SLC35D1: variants seen among roughly 807,000 people sequenced by gnomAD.
SLC35D1 encodes solute carrier family 35 member D1.
A neutral mutation model predicts 46.7 loss-of-function variants in SLC35D1; 31 were observed. That is an observed-to-expected ratio of 0.66 (90% CI 0.50 to 0.90). The LOEUF (loss-of-function observed/expected upper bound fraction) is 0.90, where lower values mean the gene tolerates loss of function less well. SLC35D1 is among the 40% of genes least tolerant of loss of function. SLC35D1 has a pLI of 0.00. For missense variants in SLC35D1, 397 were observed against 426.2 expected (o/e 0.93, Z 0.60); for synonymous variants, 195 against 164.6 (o/e 1.18, Z -1.41).
rs567208842 is a variant in SLC35D1, at chr1:67,005,430, C to A, written c.960-982G>T. 5.3e-5 allele frequency among the ~76,000 whole-genome samples: 8 copies of A among 152,308 alleles called. No homozygotes were observed. The East Asian group carries it at 1.5e-3, about 29-fold the overall frequency. On this transcript the variant is annotated intron_variant, in intron 11 of 11. Coordinates refer to ENST00000235345, the MANE Select transcript of SLC35D1 (RefSeq NM_015139.3). ...CCACTAGGAAGAAAGCAGGATCAGGCACTGGCGCTTGTTCTTTACTGCACA... is the reference window on the plus strand; with the variant it reads ...CCACTAGGAAGAAAGCAGGATCAGGAACTGGCGCTTGTTCTTTACTGCACA...
At chr1:67,011,743 CG>C (rs1327697402) in intron 10 of SLC35D1, among the ~76,000 whole-genome samples, 2 of 152,132 alleles carry the variant, frequency 1.3e-5, no homozygotes, top group Non-Finnish European at 2.9e-5. Context: ...CTCAGCCTCC[CG>C]AAGTGTTGGG....
At chr1:67,016,327 G>T (rs533222214) in intron 10 of SLC35D1, among the ~76,000 whole-genome samples, 1 of 152,146 alleles carries the variant, frequency 6.6e-6, no homozygotes, top group South Asian at 2.1e-4. Context: ...TTCTCGAAAT[G>T]TAGTTTACAA....
At chr1:67,033,655 G>A (rs1668064353) in intron 8 of SLC35D1, among the ~76,000 whole-genome samples, 1 of 152,096 alleles carries the variant, frequency 6.6e-6, no homozygotes, top group Non-Finnish European at 1.5e-5. Context: ...TCTCTTGACT[G>A]TTGTTTTCTT....
the SLC35D1 span, among the ~76,000 whole-genome samples, chr1:66,976,298 G>A: frequency 6.6e-6 from 1 of 152,272 alleles, no homozygotes; most frequent in Non-Finnish European, 1.5e-5. Flanking sequence ...CACCGTGCCC[G>A]GCCAACTTCC....
At chr1:66,997,519 A>AATATATATATATATATAT (rs35571347), downstream of SLC35D1, among the ~76,000 whole-genome samples, 4 of 74,068 alleles carry the variant, frequency 5.4e-5, no homozygotes, top group Non-Finnish European at 7.6e-5. Flanking sequence ...AAAAAAAAAA[A>AATATATATATATATATAT]ATATATATAT....
rs552886727 is a variant in SLC35D1 at position 67,038,182 on chromosome 1, T to C, written c.729+4054A>G. 3.9e-5 allele frequency among the ~76,000 whole-genome samples: 6 copies of C among 152,310 alleles called. No individual in the cohort carries two copies. In the South Asian group the frequency reaches 8.3e-4, roughly 21 times the overall value. On this transcript the variant is annotated intron_variant, in intron 8 of 11. Transcript: ENST00000235345. ...CCAGAAAACAGAAGGAATCTGTCTC[T>C]ATGTGGTGAGAATAATTCAGAGTCT...
Position 67,004,431 on chromosome 1 carries a change from A to G in SLC35D1, c.977T>C (p.Val326Ala). 1 of 1,613,988 alleles carries G rather than the reference A, an allele frequency of 6.2e-7. No homozygotes were observed. The highest frequency in any genetic ancestry group is 8.5e-7 in the Non-Finnish European group (1 of 1,179,902). ...GLNISIAGSL[V>A]YSYITFTEEQ... ...TTCAGTGAAAGTGATATAGGAATAT[A>G]CCAGGCTCCCAGCAATGCTGCAAAA... The change falls in exon 12 of 12, where the codon GTA (valine) becomes GCA (alanine). Residue 326 changes from valine to alanine, a missense_variant. Physicochemically the swap from Val to Ala is moderately conservative, Grantham distance 64. Coordinates refer to ENST00000235345, the MANE Select transcript of SLC35D1 (RefSeq NM_015139.3).
chr1:67,021,694 A>AAC (rs1667803713), intron 8 of SLC35D1, 92 bp from the exon 9 acceptor site: 1 of 264,978 alleles, frequency 3.8e-6, no homozygotes, highest in African/African-American at 2.3e-5. Context: ...GTCTGCCTCC[A>AAC]ACACAGACAC....
chr1:67,024,954 C>T (rs58283724), intron 8 of SLC35D1, among the ~76,000 whole-genome samples: 12,101 of 152,066 alleles, frequency 0.08, 638 homozygotes, highest in African/African-American at 0.15. Flanking sequence ...TGCTTTGTTG[C>T]CCAGGTTGGT....
At chr1:66,985,814 A>ATTT in the SLC35D1 span, 89 of 630,014 alleles carry the variant, frequency 1.4e-4, no homozygotes, top group South Asian at 3.0e-4. Flanking sequence ...GGATTATAAA[A>ATTT]TTTTTTTTTT....
chr1:67,013,157 G>GATATATATATATATATATATAT (rs964691631), intron 10 of SLC35D1, among the ~76,000 whole-genome samples: 2,749 of 29,706 alleles, frequency 0.093, 194 homozygotes, highest in Non-Finnish European at 0.12. Flanking sequence ...ATATCCTGGA[G>GATATATATATATATATATATAT]ATATATATAT....
At chr1:67,047,132 GA>G in intron 7 of SLC35D1, 132 bp downstream of exon 7, 1 of 691,030 alleles carries the variant, frequency 1.4e-6, no homozygotes, top group East Asian at 2.7e-5. Flanking sequence ...TAAAGTACAG[GA>G]ATTTTACCCT....
intron 10 of SLC35D1, among the ~76,000 whole-genome samples, chr1:67,009,513 A>G (rs58465390): frequency 0.19 from 29,005 of 152,164 alleles, 5,067 homozygotes; most frequent in African/African-American, 0.47. Context: ...CCCATTAGAA[A>G]ATGGGAAAAG....
intron 4 of SLC35D1, 122 bp from the exon 5 acceptor site, chr1:67,050,626 T>C: frequency 2.4e-6 from 2 of 837,730 alleles, no homozygotes; most frequent in South Asian, 3.1e-5. Flanking sequence ...TACAAATTAA[T>C]TTATGGTTAA....
In SLC35D1 at chr1:67,004,460, A is replaced by T. The variant is rs1251787377; in HGVS notation, c.960-12T>A. ...GGCTCCCAGCAATGCTGCAAAACAG[A>T]AAGCCACTATCAGAGATGGAGGAAG... is the stretch of plus-strand genomic sequence containing the variant. On this transcript the variant is annotated splice_polypyrimidine_tract_variant and intron_variant, in intron 11 of 11. Transcript: ENST00000235345. The T allele has an allele frequency of 1.2e-6, 2 of 1,611,604 alleles. No homozygotes were observed. Among genetic ancestry groups the T allele is most frequent in the Non-Finnish European group, 1.7e-6 (2 of 1,177,844 alleles).
chr1:67,042,985 G>A (rs1558164910), intron 7 of SLC35D1, among the ~76,000 whole-genome samples: 4 of 152,030 alleles, frequency 2.6e-5, no homozygotes, highest in Admixed American at 1.3e-4. Flanking sequence ...ATCACCTGAG[G>A]TCAGCAGTTC....
chr1:66,990,900 A>G, the SLC35D1 span, among the ~76,000 whole-genome samples: 1 of 152,104 alleles, frequency 6.6e-6, no homozygotes, highest in Non-Finnish European at 1.5e-5. Context: ...TTTCCTCACC[A>G]TCATACACCC....
intron 8 of SLC35D1, among the ~76,000 whole-genome samples, chr1:67,029,497 G>T (rs1412997975): frequency 1.3e-5 from 2 of 152,180 alleles, no homozygotes; most frequent in East Asian, 3.8e-4. Context: ...ACCAGCTTCT[G>T]CTAGCAAGAC....
chr1:67,053,726 A>C (rs895135443), intron 1 of SLC35D1, 85 bp downstream of exon 1: 12 of 1,247,222 alleles, frequency 9.6e-6, no homozygotes, highest in Middle Eastern at 2.8e-4. Flanking sequence ...TAACTTTGGC[A>C]GTCAAAGTCC....
Sources: gnomAD v4.1 joint callset for allele counts (sites outside exome capture counted in the v4.1 genomes callset) on GRCh38, gnomAD v4.1.1 for gene constraint, MANE v1.5 for transcripts, NCBI Gene and HGNC (gene_info 2026-07-23, HGNC 2026-07-21) for gene names.